Variants in MTMR3 observed in about 807,000 individuals in gnomAD.
MTMR3 encodes myotubularin related protein 3.
A neutral mutation model predicts 132.4 loss-of-function variants in MTMR3; 32 were observed. The observed-to-expected ratio is 0.24, with a 90% CI of 0.18 to 0.32. The LOEUF is 0.32. Ranked by LOEUF, MTMR3 falls within the 10% of genes least tolerant of loss-of-function variation. The pLI, the probability that MTMR3 is intolerant of heterozygous loss-of-function variation, is 1.00. For missense variants in MTMR3, 1,216 were observed against 1,489.6 expected, an observed-to-expected ratio of 0.82 and a Z score of 3.02; for synonymous variants, 556 against 550.3, an observed-to-expected ratio of 1.01 and a Z score of -0.14.
intron 1 of MTMR3, among the ~76,000 whole-genome samples, chr22:29,890,009 C>T (rs1365469480): frequency 1.3e-5 from 2 of 149,374 alleles, no homozygotes; most frequent in African/African-American, 4.9e-5. Flanking sequence ...CGGGTTCAAG[C>T]GATTCTCCTG....
intron 1 of MTMR3, among the ~76,000 whole-genome samples, chr22:29,935,612 A>G (rs901411917): frequency 6.6e-6 from 1 of 152,228 alleles, no homozygotes; most frequent in Admixed American, 6.5e-5. Flanking sequence ...TAACACTGCC[A>G]CAAATTGTAG....
chr22:29,956,958 C>A (rs1206107984), intron 1 of MTMR3, 78 bp from the exon 2 acceptor site: 1 of 152,238 alleles, frequency 6.6e-6, no homozygotes, highest in Non-Finnish European at 1.5e-5. Context: ...AGAGAAAGGT[C>A]TTGTGGGGAG....
chr22:29,976,118 GTGT>G (rs1602606422), intron 3 of MTMR3, among the ~76,000 whole-genome samples: 1 of 120,950 alleles, frequency 8.3e-6, no homozygotes, highest in South Asian at 2.5e-4. Context: ...ATTATAGTGT[GTGT>G]TTTTTTTTTT....
intron 13 of MTMR3, 194 bp downstream of exon 13, chr22:30,012,757 A>G (rs757291351): frequency 1.3e-5 from 7 of 528,006 alleles, no homozygotes; most frequent in Non-Finnish European, 2.3e-5. Context: ...AATGGGGCAG[A>G]TTATGGGTAA....
chr22:29,957,717 A>G (rs1602564506), intron 2 of MTMR3, among the ~76,000 whole-genome samples: 1 of 152,070 alleles, frequency 6.6e-6, no homozygotes, highest in Non-Finnish European at 1.5e-5. Context: ...GTTTTCTTAA[A>G]TTGGTATATA....
At chr22:29,925,382 A>G (rs1397463086) in intron 1 of MTMR3, among the ~76,000 whole-genome samples, 1 of 152,084 alleles carries the variant, frequency 6.6e-6, no homozygotes, top group East Asian at 1.9e-4. Context: ...TTCTGTCTGG[A>G]TATATTGGAC....
intron 8 of MTMR3, chr22:30,001,500 C>G (rs2067174661): frequency 6.6e-6 from 1 of 152,312 alleles, no homozygotes; most frequent in Non-Finnish European, 1.5e-5. Context: ...CTGCTGTGAG[C>G]CATGACCGCT....
chr22:30,020,926 C>T (rs765686112), intron 17 of MTMR3, 42 bp downstream of exon 17: 64 of 1,517,622 alleles, frequency 4.2e-5, no homozygotes, highest in East Asian at 4.9e-5. Context: ...CCCAAGGAGA[C>T]GGCATGCTGA....
chr22:29,910,750 T>G (rs2065196160), intron 1 of MTMR3, among the ~76,000 whole-genome samples: 1 of 152,022 alleles, frequency 6.6e-6, no homozygotes, highest in Non-Finnish European at 1.5e-5. Context: ...ACTTTTTTTT[T>G]CTTTCTCATA....
At chr22:30,010,322 T>C (rs1819147391) in intron 12 of MTMR3, 1 of 152,218 alleles carries the variant, frequency 6.6e-6, no homozygotes, top group East Asian at 1.9e-4. Context: ...TATATTAAAA[T>C]TCTTAAAGAG....
chr22:30,020,049 G>C lies in MTMR3; in HGVS notation c.2390G>C (p.Arg797Pro), dbSNP rs144458612. The change falls in exon 17 of 20, where the codon CGA (arginine) becomes CCA (proline). Residue 797 changes from arginine (R) to proline (P), a missense_variant. By Grantham distance (103) the Arg-to-Pro change is moderately radical. This residue lies in a region of MTMR3 where 852 missense variants were observed against 852.0 expected (regional missense o/e 1.00). Coordinates refer to ENST00000401950, the MANE Select transcript of MTMR3 (RefSeq NM_021090.4). Reference protein sequence around the residue: ...DSLEVPVEQFRIEEIAEGREE... With the variant: ...DSLEVPVEQFPIEEIAEGREE... ...CTGGAGGTCCCTGTGGAGCAGTTTC[G>C]AATAGAAGAGATTGCAGAGGGTAGG... 1 of 1,614,038 alleles carries C rather than the reference G, an allele frequency of 6.2e-7. No individual in the cohort carries two copies. Among genetic ancestry groups the C allele is most frequent in the African/African-American group, 1.3e-5 (1 of 74,926 alleles).
In MTMR3 at chr22:30,027,315, C is replaced by A. The variant is rs1283716085; in HGVS notation, c.*1514C>A. 6.5e-6 allele frequency: 1 copy of A among 152,816 alleles called. No homozygotes were observed. The highest frequency in any genetic ancestry group is 1.5e-5 in the Non-Finnish European group (1 of 68,108). 9.5% of individuals were successfully genotyped at this position (152,816 alleles called of 1,614,324 possible). On this transcript the variant is annotated 3_prime_UTR_variant, in exon 20 of 20. Coordinates refer to ENST00000401950, the MANE Select transcript of MTMR3 (RefSeq NM_021090.4). ...TTCCTCTTCCCCTTGGTAGCAGTTC[C>A]CTGACCAAGGGCAAGGTGTGTCTCA...
chr22:29,952,412 T>G (rs561432076), intron 1 of MTMR3, among the ~76,000 whole-genome samples: 50 of 150,654 alleles, frequency 3.3e-4, no homozygotes, highest in South Asian at 2.3e-3. Flanking sequence ...GTGTGTGTGT[T>G]TTTTTTTTTA....
In MTMR3 at chr22:30,026,468, G is replaced by A. The variant is rs140836436; in HGVS notation, c.*667G>A. 460 of 152,586 alleles carry A rather than the reference G, an allele frequency of 3.0e-3. No individual in the cohort carries two copies. Among genetic ancestry groups the A allele is most frequent in the Non-Finnish European group, 4.4e-3 (297 of 68,146 alleles). 9.5% of individuals were successfully genotyped at this position (152,586 alleles called of 1,614,324 possible). ...AAGTGGATGCTCCTTTGAGGCAGGC[G>A]AGGGGCTGGGAGTGGGTAGCCGTCA... On this transcript the variant is annotated 3_prime_UTR_variant, in exon 20 of 20. Coordinates refer to ENST00000401950, the MANE Select transcript of MTMR3 (RefSeq NM_021090.4).
At chr22:30,014,831 G>A (rs1417443520) in intron 14 of MTMR3, 1 of 152,076 alleles carries the variant, frequency 6.6e-6, no homozygotes, top group African/African-American at 2.4e-5. Context: ...CTAAATGTTG[G>A]AATGCCCCCT....
At chr22:30,022,235 C>CA in intron 18 of MTMR3, 96 bp downstream of exon 18, 1 of 903,464 alleles carries the variant, frequency 1.1e-6, no homozygotes, top group Non-Finnish European at 1.8e-6. Flanking sequence ...GCCAAGGAAG[C>CA]ACCTCCCAGC....
intron 1 of MTMR3, among the ~76,000 whole-genome samples, chr22:29,920,218 A>C (rs909003187): frequency 2.0e-5 from 3 of 150,368 alleles, no homozygotes; most frequent in African/African-American, 7.4e-5. Flanking sequence ...TGTCTCAAAA[A>C]AAAAAACAAA....
intron 1 of MTMR3, among the ~76,000 whole-genome samples, chr22:29,914,410 C>T (rs1453555832): frequency 6.6e-6 from 1 of 152,092 alleles, no homozygotes; most frequent in Non-Finnish European, 1.5e-5. Context: ...GGTGAAGTGT[C>T]TGTTCAAATC....
chr22:29,935,404 A>G (rs1002687239), intron 1 of MTMR3, among the ~76,000 whole-genome samples: 10 of 152,248 alleles, frequency 6.6e-5, no homozygotes, highest in Non-Finnish European at 1.3e-4. Context: ...AGACAAGGTC[A>G]GGCTGACTTT....
Sources: gnomAD v4.1 joint callset for allele counts (sites outside exome capture counted in the v4.1 genomes callset) on GRCh38, gnomAD v4.1.1 for gene constraint, gnomAD v4.1.1 regional missense constraint, MANE v1.5 for transcripts, NCBI Gene and HGNC (gene_info 2026-07-23, HGNC 2026-07-21) for gene names.